Variants in GRIN2B observed in about 807,000 individuals in gnomAD.
GRIN2B encodes the protein glutamate receptor ionotropic, NMDA 2B.
A neutral mutation model predicts 114.5 loss-of-function variants in GRIN2B; 5 were observed. The ratio of observed to expected loss-of-function variants is 0.04; its 90% CI spans 0.02 to 0.09. The LOEUF (loss-of-function observed/expected upper bound fraction) is 0.09, where lower values mean the gene tolerates loss of function less well. GRIN2B is among the 10% of genes least tolerant of loss of function. The pLI is 1.00. For synonymous variants in GRIN2B, 787 were observed against 745.1 expected (o/e 1.06, Z -0.92); for missense variants, 1,108 against 1,943.5 (o/e 0.57, Z 8.08).
At chr12:13,741,771 A>G (rs183273990) in intron 4 of GRIN2B, among the ~76,000 whole-genome samples, 1 of 152,136 alleles carries the variant, frequency 6.6e-6, no homozygotes, top group East Asian at 1.9e-4. Flanking sequence ...ATGTTGCCCA[A>G]GCTGGTCTCA....
rs1261980521 is a variant in GRIN2B at position 13,557,399 on chromosome 12, C to G, written c.*5384G>C. The G allele has an allele frequency of 1.3e-5, 2 of 152,216 alleles. No homozygotes were observed. The highest frequency in any genetic ancestry group is 2.9e-5 in the Non-Finnish European group (2 of 68,044). The allele number at this position is 152,216 out of a possible 1,614,324, so 9.4% of individuals were successfully genotyped here. A position where few individuals can be genotyped will look rare whatever the true frequency, so the allele number is the denominator to read the frequency against. On this transcript the variant is annotated 3_prime_UTR_variant, in exon 14 of 14. Transcript: ENST00000609686. The stretch of plus-strand genomic sequence containing the variant: ...GTGGAAAGTATAGGATATAGACCAA[C>G]TCAGCTAATTGGAAGATTAATTAAA...
intron 5 of GRIN2B, among the ~76,000 whole-genome samples, chr12:13,617,831 T>A (rs908943712): frequency 2.6e-5 from 4 of 152,216 alleles, no homozygotes; most frequent in African/African-American, 9.6e-5. Flanking sequence ...GCAAATCGGC[T>A]TGGATTTCCA....
rs148679493 is a variant in GRIN2B at position 13,730,911 on chromosome 12, G to A, written c.1010+22406C>T. On this transcript the variant is annotated intron_variant, in intron 4 of 13. Transcript: ENST00000609686. ...TAAACCCCTTTCCTTTCTTAAAATG[G>A]TTATTTCTTTTGGCTTTAATAACAC... is the stretch of plus-strand genomic sequence containing the variant. Among the ~76,000 whole-genome samples the A allele has an allele frequency of 2.0e-5, 3 of 152,162 alleles. No individual in the cohort carries two copies. The East Asian group carries it at 5.8e-4, about 29-fold the overall frequency.
At position 13,615,696 on chromosome 12, in the gene GRIN2B, CA is replaced by C; in HGVS notation, c.1329-33del. On this transcript the variant is annotated intron_variant, in intron 6 of 13. Coordinates refer to ENST00000609686, the MANE Select transcript of GRIN2B (RefSeq NM_000834.5). This position sits in a 1 kb window ranked among gnomAD's most constrained non-coding sequence, Gnocchi z 5.8. Reference sequence around the variant, plus strand: ...AATTAAAGAAACAAAAACAAACAAACAAAAAAGTCTTTGTACAAAAAGCCAA... The same window carrying C: ...AATTAAAGAAACAAAAACAAACAAACAAAAAGTCTTTGTACAAAAAGCCAA... 5 of 1,596,538 alleles carry C rather than the reference CA, an allele frequency of 3.1e-6. No individual in the cohort carries two copies. The highest frequency in any genetic ancestry group is 4.3e-6 in the Non-Finnish European group (5 of 1,164,278).
chr12:13,690,312 C>CACACACAT (rs1438933196), intron 4 of GRIN2B, among the ~76,000 whole-genome samples: 1 of 130,108 alleles, frequency 7.7e-6, no homozygotes, highest in Non-Finnish European at 1.8e-5. Flanking sequence ...CACACACACA[C>CACACACAT]ACACATGCAC....
intron 2 of GRIN2B, among the ~76,000 whole-genome samples, chr12:13,937,096 A>AAGG (rs1491417524): frequency 1.9e-4 from 24 of 128,922 alleles, no homozygotes; most frequent in African/African-American, 4.9e-4. Context: ...AAAAAAAAAA[A>AAGG]GGGGGGGGGG....
chr12:13,719,393 G>C (rs1394407690), intron 4 of GRIN2B, among the ~76,000 whole-genome samples: 1 of 149,828 alleles, frequency 6.7e-6, no homozygotes. Flanking sequence ...CTTGTACTCT[G>C]TTGTAAACTC....
chr12:13,720,925 T>C (rs1408772984), intron 4 of GRIN2B, among the ~76,000 whole-genome samples: 1 of 152,074 alleles, frequency 6.6e-6, no homozygotes, highest in African/African-American at 2.4e-5. Context: ...ATGATACTCA[T>C]GTCTAAAGGG....
intron 2 of GRIN2B, among the ~76,000 whole-genome samples, chr12:13,866,896 T>C (rs1167950513): frequency 6.6e-6 from 1 of 152,214 alleles, no homozygotes; most frequent in Non-Finnish European, 1.5e-5. Context: ...AAAAACATTA[T>C]TATCACCATT....
chr12:13,601,775 C>T (rs1188737209), intron 10 of GRIN2B, among the ~76,000 whole-genome samples: 1 of 152,110 alleles, frequency 6.6e-6, no homozygotes, highest in Non-Finnish European at 1.5e-5. Context: ...TGCTAGGAAC[C>T]CAGTCATCAA....
rs10845805 is a variant in GRIN2B at position 13,551,213 on chromosome 12, C to T, written c.*11570G>A. 120,165 of 151,952 alleles carry T rather than the reference C, an allele frequency of 0.79. 49,084 individuals are homozygous for T. Among genetic ancestry groups the T allele is most frequent in the Non-Finnish European group, 0.89 (60,515 of 68,000 alleles). The allele number at this position is 151,952 out of a possible 1,614,324, so 9.4% of individuals were successfully genotyped here. A position where few individuals can be genotyped will look rare whatever the true frequency, so the allele number is the denominator to read the frequency against. ...GAATAGGGATTCTCAAGGAATTCTC[C>T]TACCCTTATTCCTCCCATTGAGAAC... On this transcript the variant is annotated 3_prime_UTR_variant, in exon 14 of 14. Coordinates refer to ENST00000609686, the MANE Select transcript of GRIN2B (RefSeq NM_000834.5).
At chr12:13,798,692 T>C (rs1485107030) in intron 3 of GRIN2B, among the ~76,000 whole-genome samples, 1 of 152,236 alleles carries the variant, frequency 6.6e-6, no homozygotes, top group African/African-American at 2.4e-5. Flanking sequence ...AATACTTCTT[T>C]ACACTCCACA....
At chr12:13,952,397 C>A (rs992093832) in intron 2 of GRIN2B, among the ~76,000 whole-genome samples, 2 of 152,182 alleles carry the variant, frequency 1.3e-5, no homozygotes, top group South Asian at 4.1e-4. Flanking sequence ...TAGTTAGCAA[C>A]GGTCCTCCTG....
intron 8 of GRIN2B, among the ~76,000 whole-genome samples, chr12:13,612,615 C>T (rs1949380481): frequency 6.6e-6 from 1 of 152,224 alleles, no homozygotes; most frequent in African/African-American, 2.4e-5. Flanking sequence ...TGGGACAAGA[C>T]TGGGCAAGGT....
At chr12:13,941,794 C>T (rs897627968) in intron 2 of GRIN2B, among the ~76,000 whole-genome samples, 2 of 152,154 alleles carry the variant, frequency 1.3e-5, no homozygotes, top group South Asian at 2.1e-4. Context: ...CCATGGTAGC[C>T]GAAGGCTGAA....
At chr12:13,675,347 T>C (rs1183467048) in intron 5 of GRIN2B, among the ~76,000 whole-genome samples, 2 of 152,124 alleles carry the variant, frequency 1.3e-5, no homozygotes, top group Admixed American at 6.5e-5. Context: ...TCAATCACAA[T>C]AAGTCTAAAC....
intron 5 of GRIN2B, among the ~76,000 whole-genome samples, chr12:13,640,926 G>T (rs1408260240): frequency 6.6e-6 from 1 of 151,998 alleles, no homozygotes; most frequent in Admixed American, 6.6e-5. Flanking sequence ...GTTACACCAG[G>T]TTACTTATTG....
intron 2 of GRIN2B, among the ~76,000 whole-genome samples, chr12:13,876,303 T>A (rs1220020994): frequency 6.6e-6 from 1 of 152,170 alleles, no homozygotes; most frequent in East Asian, 1.9e-4. Flanking sequence ...TTGTTGTGAA[T>A]ATTAAACAAT....
chr12:13,824,369 G>A (rs190514310), intron 3 of GRIN2B, among the ~76,000 whole-genome samples: 1 of 152,076 alleles, frequency 6.6e-6, no homozygotes, highest in Middle Eastern at 3.2e-3. Flanking sequence ...GTCTCTCAAG[G>A]TGTTTGTCTA....
Sources: gnomAD v4.1 joint callset for allele counts (sites outside exome capture counted in the v4.1 genomes callset) on GRCh38, gnomAD v4.1.1 for gene constraint, Gnocchi (gnomAD v3.1) non-coding constraint, MANE v1.5 for transcripts, NCBI Gene and HGNC (gene_info 2026-07-23, HGNC 2026-07-21) for gene names.